The following SP140L variants were observed in gnomAD, a reference collection of about 807,000 sequenced individuals.
SP140L encodes the protein nuclear body protein SP140-like protein.
In SP140L, 64 loss-of-function variants were observed where a neutral mutation model predicts 84.3. The observed-to-expected ratio is 0.76, with a 90% CI of 0.62 to 0.94. The LOEUF (loss-of-function observed/expected upper bound fraction) is 0.94. SP140L is among the 40% of genes least tolerant of loss of function. The pLI is 0.00. For missense variants in SP140L, 628 were observed against 692.5 expected, an observed-to-expected ratio of 0.91 and a Z score of 1.05; for synonymous variants, 242 against 236.9, an observed-to-expected ratio of 1.02 and a Z score of -0.20.
intron 2 of SP140L, 100 bp downstream of exon 2, chr2:230,328,931 A>G (rs2059652183): frequency 1.4e-6 from 2 of 1,444,028 alleles, no homozygotes; most frequent in East Asian, 2.5e-5. Flanking sequence ...TTCCTCTTCC[A>G]TAATTTTTTT....
intron 2 of SP140L, among the ~76,000 whole-genome samples, chr2:230,346,538 T>C (rs1026416202): frequency 2.0e-5 from 3 of 152,120 alleles, no homozygotes; most frequent in African/African-American, 7.2e-5. Flanking sequence ...CTTGATGGTG[T>C]CCCATAAACA....
At chr2:230,361,719 C>T (rs746389522) in intron 5 of SP140L, 22 bp downstream of exon 5, 26 of 1,528,344 alleles carry the variant, frequency 1.7e-5, no homozygotes, top group African/African-American at 1.1e-4. Flanking sequence ...AGAATAAAAA[C>T]GGTTTCTCAT....
At chr2:230,386,509 G>A (rs1218564568) in intron 9 of SP140L, among the ~76,000 whole-genome samples, 1 of 152,136 alleles carries the variant, frequency 6.6e-6, no homozygotes, top group Non-Finnish European at 1.5e-5. Flanking sequence ...GACCACCATA[G>A]TATTTATTAA....
chr2:230,390,148 G>A (rs1575535207), intron 11 of SP140L, 125 bp downstream of exon 11: 2 of 793,962 alleles, frequency 2.5e-6, no homozygotes, highest in Non-Finnish European at 2.0e-6. Context: ...TTGAGGGAAG[G>A]AGGAAGGGAT....
At chr2:230,341,775 C>G (rs532771956) in intron 2 of SP140L, among the ~76,000 whole-genome samples, 7 of 152,162 alleles carry the variant, frequency 4.6e-5, no homozygotes, top group African/African-American at 2.4e-5. Context: ...TGTGCCCCTG[C>G]TGGGGGGTGC....
chr2:230,366,455 T>G (rs1383203137), intron 5 of SP140L, among the ~76,000 whole-genome samples: 1 of 151,958 alleles, frequency 6.6e-6, no homozygotes, highest in African/African-American at 2.4e-5. Flanking sequence ...TTCTTTGGTT[T>G]GCATTTGCGT....
At chr2:230,361,222 G>A (rs1174636111) in intron 4 of SP140L, among the ~76,000 whole-genome samples, 4 of 152,114 alleles carry the variant, frequency 2.6e-5, no homozygotes, top group African/African-American at 4.8e-5. Context: ...ACAGTTCTAC[G>A]ATTACAAGCA....
chr2:230,395,582 A>G (rs920741244), intron 13 of SP140L, among the ~76,000 whole-genome samples: 10 of 152,170 alleles, frequency 6.6e-5, no homozygotes, highest in Non-Finnish European at 1.0e-4. Flanking sequence ...CCTGTCTCAA[A>G]AAAAAGAAAA....
At chr2:230,341,913 T>C (rs1432830041) in intron 2 of SP140L, among the ~76,000 whole-genome samples, 3 of 152,086 alleles carry the variant, frequency 2.0e-5, no homozygotes, top group Non-Finnish European at 4.4e-5. Flanking sequence ...GACAGGGACA[T>C]TTAAGTCTGC....
chr2:230,344,206 G>C (rs2060144769), intron 2 of SP140L, among the ~76,000 whole-genome samples: 1 of 152,160 alleles, frequency 6.6e-6, no homozygotes, highest in African/African-American at 2.4e-5. Flanking sequence ...GGGTGCTCCT[G>C]TATTGGGTGC....
rs966682736 is a variant in SP140L, at chr2:230,333,992, T to C, written c.107+5161T>C. Reference sequence around the variant, plus strand: ...ATGATGATTTTTAGAATTGCATCTGTTCCTTCCAGGTTTCTTTCGCAGCTC... The same window carrying C: ...ATGATGATTTTTAGAATTGCATCTGCTCCTTCCAGGTTTCTTTCGCAGCTC... On this transcript the variant is annotated intron_variant, in intron 2 of 18. Transcript: ENST00000415673. Among the ~76,000 whole-genome samples the C allele has an allele frequency of 3.9e-5, 6 of 152,254 alleles. 1 individual carries two copies. The highest frequency in any genetic ancestry group is 8.8e-5 in the Non-Finnish European group (6 of 68,038).
intron 2 of SP140L, among the ~76,000 whole-genome samples, chr2:230,331,192 G>A (rs570098374): frequency 6.6e-6 from 1 of 152,178 alleles, no homozygotes; most frequent in Non-Finnish European, 1.5e-5. Context: ...AATCTTTTGA[G>A]AGAGAGAAAG....
chr2:230,330,779 C>A (rs2059704068), intron 2 of SP140L, among the ~76,000 whole-genome samples: 1 of 152,150 alleles, frequency 6.6e-6, no homozygotes. Flanking sequence ...CATAGTCAAC[C>A]ATGGTCCAAA....
At chr2:230,328,880 G>T (rs1248274400) in intron 2 of SP140L, 49 bp downstream of exon 2, 2 of 1,575,160 alleles carry the variant, frequency 1.3e-6, no homozygotes, top group East Asian at 2.3e-5. Context: ...CTGATAATGT[G>T]GAAAGCTGAA....
In SP140L at chr2:230,359,020, T is replaced by C; in HGVS notation, c.327T>C (p.Val109=). The C allele has an allele frequency of 1.2e-6, 2 of 1,613,666 alleles. No homozygotes were observed. The highest frequency in any genetic ancestry group is 1.7e-6 in the Non-Finnish European group (2 of 1,179,792). Residue 109 remains valine (V), a synonymous_variant, in exon 4 of 19, where the codon GTT becomes GTC. Coordinates refer to ENST00000415673, the MANE Select transcript of SP140L (RefSeq NM_138402.6). ...CTGTACAAAGAGTGGTGTACAATGT[T>C]CTCAGTGAACTGGAGAAGACATTTA... ...LVPVQRVVYN[V]LSELEKTFNL...
At chr2:230,398,160 C>T (rs989444796) in intron 14 of SP140L, among the ~76,000 whole-genome samples, 10 of 152,138 alleles carry the variant, frequency 6.6e-5, no homozygotes, top group African/African-American at 2.2e-4. Context: ...ATGACTTGAA[C>T]ATTAGGATTT....
At chr2:230,380,551 C>T (rs972033888) in intron 7 of SP140L, among the ~76,000 whole-genome samples, 4 of 152,132 alleles carry the variant, frequency 2.6e-5, no homozygotes, top group African/African-American at 4.8e-5. Context: ...CTTACAACCA[C>T]ACTTTTCTGC....
intron 2 of SP140L, among the ~76,000 whole-genome samples, chr2:230,341,311 C>T (rs1468068747): frequency 2.9e-5 from 4 of 140,268 alleles, no homozygotes; most frequent in Non-Finnish European, 6.2e-5. Context: ...GCATTCTTCA[C>T]GTAGTTCTCG....
intron 18 of SP140L, 99 bp from the exon 19 acceptor site, chr2:230,402,699 A>G: frequency 1.1e-6 from 1 of 929,728 alleles, no homozygotes; most frequent in East Asian, 2.7e-5. Flanking sequence ...TACAGTTTTT[A>G]TTTTTTAAAG....
Sources: gnomAD v4.1 joint callset for allele counts (sites outside exome capture counted in the v4.1 genomes callset) on GRCh38, gnomAD v4.1.1 for gene constraint, MANE v1.5 for transcripts, NCBI Gene and HGNC (gene_info 2026-07-23, HGNC 2026-07-21) for gene names.